Variants in FAP observed in about 807,000 individuals in gnomAD.
FAP encodes prolyl endopeptidase FAP.
FAP carries 110 observed loss-of-function variants against 126.5 expected under a neutral mutation model. The observed-to-expected ratio is 0.87, with a 90% confidence interval of 0.74 to 1.02. The LOEUF is 1.02. Ranked by LOEUF, FAP falls within the 50% of genes least tolerant of loss-of-function variation. FAP has a pLI of 0.00. For missense variants in FAP, 919 were observed against 909.2 expected (o/e 1.01, Z -0.14); for synonymous variants, 334 against 297.3 (o/e 1.12, Z -1.27).
chr2:162,217,598 T>G (rs962625186), intron 9 of FAP, among the ~76,000 whole-genome samples: 1 of 152,164 alleles, frequency 6.6e-6, no homozygotes, highest in Non-Finnish European at 1.5e-5. Context: ...GACAGGAACA[T>G]CAAATTCAGC....
chr2:162,180,540 A>G (rs1296341390), intron 21 of FAP, among the ~76,000 whole-genome samples: 1 of 152,170 alleles, frequency 6.6e-6, no homozygotes, highest in Non-Finnish European at 1.5e-5. Flanking sequence ...CTTAAATTAC[A>G]AATGGAGAAA....
intron 6 of FAP, among the ~76,000 whole-genome samples, chr2:162,220,721 T>C (rs999968459): frequency 1.3e-5 from 2 of 152,246 alleles, no homozygotes; most frequent in Non-Finnish European, 2.9e-5. Context: ...AGCACTCAAG[T>C]GACTTGCATT....
At chr2:162,183,566 G>A (rs1317299357) in intron 20 of FAP, 98 bp from the exon 21 acceptor site, 4 of 728,770 alleles carry the variant, frequency 5.5e-6, no homozygotes, top group African/African-American at 3.6e-5. Flanking sequence ...TAATAGAAAC[G>A]CTACATTTTC....
chr2:162,226,552 TA>T lies in FAP; in HGVS notation c.160del (p.Tyr54IlefsTer23). ...LKDILNGTFS[Y>X]KTFFPNWISG... is the part of the protein sequence containing the mutation. ...AATCCAGTTTGGAAAAAATGTTTTA[TA>T]AGAAAATGTTCCATTTAAAATATCC... is the stretch of plus-strand genomic sequence containing the variant. On this transcript the variant is annotated frameshift_variant, in exon 3 of 26. Coordinates refer to ENST00000188790, the MANE Select transcript of FAP (RefSeq NM_004460.5). LOFTEE classifies it high-confidence loss of function. 6.3e-7 allele frequency: 1 copy of T among 1,587,848 alleles called. No individual in the cohort carries two copies. Among genetic ancestry groups the T allele is most frequent in the Non-Finnish European group, 8.6e-7 (1 of 1,162,894 alleles).
At chr2:162,220,599 G>A (rs1252590754) in intron 6 of FAP, among the ~76,000 whole-genome samples, 1 of 152,156 alleles carries the variant, frequency 6.6e-6, no homozygotes, top group Admixed American at 6.5e-5. Flanking sequence ...ACTGAAAAAC[G>A]GATTGTATAC....
chr2:162,182,166 C>A (rs1204889930), intron 21 of FAP, among the ~76,000 whole-genome samples: 2 of 152,138 alleles, frequency 1.3e-5, no homozygotes, highest in African/African-American at 2.4e-5. Flanking sequence ...AATCATCCCA[C>A]GTAGATGGTT....
chr2:162,210,871 C>A (rs1456877114), intron 11 of FAP, among the ~76,000 whole-genome samples: 1 of 152,134 alleles, frequency 6.6e-6, no homozygotes, highest in African/African-American at 2.4e-5. Flanking sequence ...AATGAAGCCA[C>A]ACATATTGAA....
At chr2:162,201,753 G>A (rs1465950612) in intron 14 of FAP, among the ~76,000 whole-genome samples, 2 of 152,154 alleles carry the variant, frequency 1.3e-5, no homozygotes, top group Non-Finnish European at 2.9e-5. Context: ...GCTGTGCTAA[G>A]TGCTAAGGAC....
chr2:162,195,092 G>T, intron 16 of FAP: 2 of 283,476 alleles, frequency 7.1e-6, no homozygotes, highest in East Asian at 1.6e-4. Context: ...GGCCAGTTTT[G>T]GCTGTGTCTT....
chr2:162,219,907 A>G lies in FAP; in HGVS notation c.432T>C (p.Asn144=). The change falls in exon 7 of 26, where the codon AAT becomes AAC. Residue 144 remains asparagine (N), a synonymous_variant. Coordinates refer to ENST00000188790, the MANE Select transcript of FAP (RefSeq NM_004460.5). Reference sequence around the variant, plus strand: ...AATACTGAATTGGACGAGGAAGCTCATTTCCTCTTACAAATTCTCTAGAAG... The same window carrying G: ...AATACTGAATTGGACGAGGAAGCTCGTTTCCTCTTACAAATTCTCTAGAAG... ...DLSNGEFVRG[N]ELPRPIQYLC... The G allele has an allele frequency of 6.2e-7, 1 of 1,611,698 alleles. No homozygotes were observed. The highest frequency in any genetic ancestry group is 1.1e-5 in the South Asian group (1 of 90,912).
intron 10 of FAP, 41 bp downstream of exon 10, chr2:162,215,857 A>T (rs1689139740): frequency 7.1e-7 from 1 of 1,411,638 alleles, no homozygotes; most frequent in Admixed American, 1.7e-5. Flanking sequence ...AATGCACTAG[A>T]ATATAGGATA....
At position 162,183,438 on chromosome 2, in the gene FAP, T is replaced by C; in HGVS notation, c.1845A>G (p.Glu615=). The C allele has an allele frequency of 6.2e-7, 1 of 1,610,934 alleles. No individual in the cohort carries two copies. The highest frequency in any genetic ancestry group is 1.7e-4 in the Middle Eastern group (1 of 6,036). The change falls in exon 21 of 26, where the codon GAA becomes GAG. Residue 615 remains glutamate (E), a synonymous_variant. Transcript: ENST00000188790. Reference sequence around the variant, plus strand: ...CCCAGCCCCATATGGCTATTCTTTTTTCATCAATGAAACCCATTTCTATGA... The same window carrying C: ...CCCAGCCCCATATGGCTATTCTTTTCTCATCAATGAAACCCATTTCTATGA... ...RKFIEMGFID[E]KRIAIWGWSY...
chr2:162,221,626 A>C (rs774714065), intron 6 of FAP: 23 of 456,094 alleles, frequency 5.0e-5, no homozygotes, highest in African/African-American at 8.0e-5. Flanking sequence ...AGTTTTCTAC[A>C]TACAGTGGAA....
chr2:162,178,752 A>C (rs1268491548), intron 21 of FAP, among the ~76,000 whole-genome samples: 2 of 152,196 alleles, frequency 1.3e-5, no homozygotes, highest in African/African-American at 4.8e-5. Flanking sequence ...TGACTCCAAA[A>C]AATTTTGTTG....
intron 21 of FAP, among the ~76,000 whole-genome samples, chr2:162,181,111 A>G (rs1166475057): frequency 6.6e-6 from 1 of 151,996 alleles, no homozygotes; most frequent in Non-Finnish European, 1.5e-5. Context: ...CTTGTCTCAA[A>G]AACGAAAAAA....
chr2:162,231,664 T>A (rs1238043807), intron 2 of FAP, among the ~76,000 whole-genome samples: 1 of 152,222 alleles, frequency 6.6e-6, no homozygotes, highest in Non-Finnish European at 1.5e-5. Context: ...AAATTACAAT[T>A]CACAGAAATG....
intron 17 of FAP, 24 bp downstream of exon 17, chr2:162,194,677 T>C (rs1688178456): frequency 2.5e-6 from 4 of 1,609,666 alleles, no homozygotes; most frequent in Admixed American, 1.7e-5. Flanking sequence ...TGAGACAAGA[T>C]AGATAACATG....
rs748834179 is a variant in FAP, at chr2:162,172,893, A to AAG, written c.2108-11_2108-10dup. Reference sequence around the variant, plus strand: ...TTGAAAGTGCACATTATCTGCAACAAAGAGAGAGAGAGTTAAAGTGCTGCT... The same window carrying AAG: ...TTGAAAGTGCACATTATCTGCAACAAAGAGAGAGAGAGAGTTAAAGTGCTGCT... On this transcript the variant is annotated splice_polypyrimidine_tract_variant and intron_variant, in intron 24 of 25. Coordinates refer to ENST00000188790, the MANE Select transcript of FAP (RefSeq NM_004460.5). The AAG allele has an allele frequency of 2.0e-5, 32 of 1,605,540 alleles. No individual in the cohort carries two copies. Among genetic ancestry groups the AAG allele is most frequent in the Middle Eastern group, 3.3e-4 (2 of 6,062 alleles).
At position 162,200,625 on chromosome 2, in the gene FAP, A is replaced by C. The variant is rs781360882; in HGVS notation, c.1224-6T>G. 7.6e-7 allele frequency: 1 copy of C among 1,309,832 alleles called. No individual in the cohort carries two copies. Among genetic ancestry groups the C allele is most frequent in the East Asian group, 2.4e-5 (1 of 42,336 alleles). 81.1% of individuals were successfully genotyped at this position (1,309,832 alleles called of 1,614,324 possible). A position where few individuals can be genotyped will look rare whatever the true frequency, so the allele number is the denominator to read the frequency against. ...ATTCATTGCTAGAATAAAACCTGAA[A>C]ATATATTCAGAAATTATTAAGTATT... On this transcript the variant is annotated splice_polypyrimidine_tract_variant and splice_region_variant and intron_variant, in intron 14 of 25. Transcript: ENST00000188790.
Sources: allele counts gnomAD v4.1 joint callset (sites outside exome capture counted in the v4.1 genomes callset), GRCh38; gene constraint gnomAD v4.1.1; transcripts MANE v1.5; gene names NCBI Gene and HGNC (gene_info 2026-07-23, HGNC 2026-07-21).